CHD4: variants seen among roughly 807,000 people sequenced by gnomAD.
CHD4 encodes chromodomain helicase DNA binding protein 4.
Under a neutral mutation model 235.5 loss-of-function variants are expected in CHD4, and 35 were observed. That is an observed-to-expected ratio of 0.15 (90% CI 0.11 to 0.20). CHD4 has a LOEUF of 0.20. Ranked by LOEUF, CHD4 falls within the 10% of genes least tolerant of loss-of-function variation. CHD4 has a pLI of 1.00. For synonymous variants in CHD4, 900 were observed against 850.2 expected, an observed-to-expected ratio of 1.06 and a Z score of -1.02; for missense variants, 1,329 against 2,432.3, an observed-to-expected ratio of 0.55 and a Z score of 9.54.
intron 34 of CHD4, 71 bp from the exon 35 acceptor site, chr12:6,578,617 T>G: frequency 6.3e-7 from 1 of 1,599,668 alleles, no homozygotes; most frequent in Non-Finnish European, 8.5e-7. Context: ...CCCAGAACAC[T>G]GTATGCTACA....
chr12:6,577,432 A>C (rs1185542758), intron 37 of CHD4, among the ~76,000 whole-genome samples: 13 of 151,784 alleles, frequency 8.6e-5, no homozygotes, highest in African/African-American at 3.1e-4. Flanking sequence ...AAAAAAAAAA[A>C]AAAAAAACAA....
rs768431642 is a variant in CHD4 at position 6,600,676 on chromosome 12, G to A, written c.928-7C>T. On this transcript the variant is annotated splice_region_variant and splice_polypyrimidine_tract_variant and intron_variant, in intron 7 of 39. Coordinates refer to ENST00000544040, the MANE Select transcript of CHD4 (RefSeq NM_001273.5). ...CTAAGTCATCATCCTCACTCTGGCAGGATGAAAAAGAATAAGGTTAGACGT... is the reference window on the plus strand; with the variant it reads ...CTAAGTCATCATCCTCACTCTGGCAAGATGAAAAAGAATAAGGTTAGACGT... The A allele has an allele frequency of 6.2e-7, 1 of 1,613,766 alleles. No individual in the cohort carries two copies. The highest frequency in any genetic ancestry group is 8.5e-7 in the Non-Finnish European group (1 of 1,179,908).
At position 6,589,479 on chromosome 12, in the gene CHD4, ACAT is replaced by A. The variant is rs368535172; in HGVS notation, c.3341-1060_3341-1058del. On this transcript the variant is annotated intron_variant, in intron 22 of 39. Transcript: ENST00000544040. Reference sequence around the variant, plus strand: ...CCCAGTATGATGAACTGAAAAGGACACATCATCGACTGGGCGTGGTGGCTCACG... The same window carrying A: ...CCCAGTATGATGAACTGAAAAGGACACATCGACTGGGCGTGGTGGCTCACG... Among the ~76,000 whole-genome samples the A allele has an allele frequency of 3.1e-4, 47 of 152,338 alleles. 1 individual carries two copies. The highest frequency in any genetic ancestry group is 1.1e-3 in the African/African-American group (44 of 41,580).
At chr12:6,605,665 TC>T (rs1202379648) in intron 2 of CHD4, among the ~76,000 whole-genome samples, 19 of 151,926 alleles carry the variant, frequency 1.3e-4, no homozygotes, top group Non-Finnish European at 2.8e-4. Context: ...TATTACATCC[TC>T]CCCGAGCCCC....
intron 12 of CHD4, among the ~76,000 whole-genome samples, chr12:6,596,775 G>A (rs1948505246): frequency 6.6e-6 from 1 of 151,776 alleles, no homozygotes; most frequent in Non-Finnish European, 1.5e-5. Flanking sequence ...ACTCCAGCCT[G>A]GGCGACAGAA....
rs1251377122 is a variant in CHD4, at chr12:6,606,412, C to A, written c.-39G>T. The A allele has an allele frequency of 2.0e-6, 3 of 1,474,568 alleles. No individual in the cohort carries two copies. The highest frequency in any genetic ancestry group is 2.8e-6 in the Non-Finnish European group (3 of 1,085,464). 91.3% of individuals were successfully genotyped at this position (1,474,568 alleles called of 1,614,324 possible). A position where few individuals can be genotyped will look rare whatever the true frequency, so the allele number is the denominator to read the frequency against. Reference sequence around the variant, plus strand: ...CGGCCAGGGAATTGGCCCAGCTGCTCCTGCCGGCGGCCTGAGGACCTCTAC... The same window carrying A: ...CGGCCAGGGAATTGGCCCAGCTGCTACTGCCGGCGGCCTGAGGACCTCTAC... On this transcript the variant is annotated 5_prime_UTR_variant, in exon 2 of 40. Coordinates refer to ENST00000544040, the MANE Select transcript of CHD4 (RefSeq NM_001273.5).
At position 6,587,699 on chromosome 12, in the gene CHD4, C is replaced by CT; in HGVS notation, c.3703+12dup. On this transcript the variant is annotated intron_variant, in intron 24 of 39. Transcript: ENST00000544040. ...AAGCCCCACACCAAAACGTAAGTTC[C>CT]TGACTACCTCACCTCCATCAGTGGC... The CT allele has an allele frequency of 6.2e-7, 1 of 1,613,292 alleles. No homozygotes were observed. Among genetic ancestry groups the CT allele is most frequent in the Non-Finnish European group, 8.5e-7 (1 of 1,179,238 alleles).
rs781538095 is a variant in CHD4 at position 6,593,111 on chromosome 12, G to A, written c.2632C>T (p.Leu878=). The change falls in exon 17 of 40, where the codon CTG becomes TTG. Residue 878 remains leucine (L), a synonymous_variant. Coordinates refer to ENST00000544040, the MANE Select transcript of CHD4 (RefSeq NM_001273.5). This position sits in a 1 kb window ranked among gnomAD's most constrained non-coding sequence, Gnocchi z 4.9. ...ACLIVDEAHR[L]KNNQSKFFRV... Reference sequence around the variant, plus strand: ...CTCACCTTAGACTGATTGTTCTTCAGCCGATGGGCTTCATCCACGATGAGG... The same window carrying A: ...CTCACCTTAGACTGATTGTTCTTCAACCGATGGGCTTCATCCACGATGAGG... 6 of 1,614,006 alleles carry A rather than the reference G, an allele frequency of 3.7e-6. No individual in the cohort carries two copies. In the African/African-American group the frequency reaches 8.0e-5, roughly 22 times the overall value.
intron 38 of CHD4, chr12:6,572,830 G>C (rs916477481): frequency 2.9e-6 from 1 of 348,576 alleles, no homozygotes; most frequent in Non-Finnish European, 5.2e-6. Context: ...AAAGTGCTGG[G>C]ATTAGAGGCG....
In CHD4 at chr12:6,581,004, A is replaced by AAAAC. The variant is rs150135724; in HGVS notation, c.4909+36_4909+39dup. On this transcript the variant is annotated intron_variant, in intron 33 of 39. Transcript: ENST00000544040. ...CCTGGCGGCAGCACTACACTGTCTC[A>AAAAC]AAACAAACAAACAAACAAAAAAAAT... The AAAAC allele has an allele frequency of 8.8e-4, 1,409 of 1,607,176 alleles. 11 individuals are homozygous for AAAAC. In the African/African-American group the frequency reaches 0.014, roughly 16 times the overall value.
At chr12:6,577,741 TC>T in intron 37 of CHD4, 43 bp downstream of exon 37, 1 of 1,610,840 alleles carries the variant, frequency 6.2e-7, no homozygotes, top group Non-Finnish European at 8.5e-7. Context: ...TTACGCACTT[TC>T]AAGTTTGTCA....
rs1158742643 is a variant in CHD4 at position 6,578,153 on chromosome 12, G to A, written c.5120-16C>T. ...GAGTGCAACTCTGAGGAGGAATTTAGGGAAGGTTGGGGGTGGGGGGAAGCA... is the reference window on the plus strand; with the variant it reads ...GAGTGCAACTCTGAGGAGGAATTTAAGGAAGGTTGGGGGTGGGGGGAAGCA... On this transcript the variant is annotated splice_polypyrimidine_tract_variant and intron_variant, in intron 35 of 39. Transcript: ENST00000544040. 2 of 1,602,536 alleles carry A rather than the reference G, an allele frequency of 1.2e-6. No individual in the cohort carries two copies. Among genetic ancestry groups the A allele is most frequent in the African/African-American group, 2.7e-5 (2 of 74,744 alleles).
intron 19 of CHD4, 54 bp downstream of exon 19, chr12:6,592,339 T>C: frequency 1.3e-6 from 2 of 1,528,480 alleles, no homozygotes; most frequent in South Asian, 1.3e-5. Flanking sequence ...TAGGAAACAC[T>C]CTGCAGACTG....
In CHD4 at chr12:6,577,937, GA is replaced by G. The variant is rs747314906; in HGVS notation, c.5229-21del. On this transcript the variant is annotated intron_variant, in intron 36 of 39. Transcript: ENST00000544040. ...CCATGGCTATTGGAAAAGTGCTCAG[GA>G]AAAACAAAACAAGGAAAGTAAGAAC... is the stretch of plus-strand genomic sequence containing the variant. 3.1e-6 allele frequency: 5 copies of G among 1,613,428 alleles called. No individual in the cohort carries two copies. The highest frequency in any genetic ancestry group is 1.6e-4 in the Middle Eastern group (1 of 6,062).
At chr12:6,601,930 G>C in intron 4 of CHD4, 30 bp downstream of exon 4, 1 of 1,605,018 alleles carries the variant, frequency 6.2e-7, no homozygotes, top group Non-Finnish European at 8.5e-7. Context: ...AAGTTTAACA[G>C]TACAAAGAAG....
intron 25 of CHD4, among the ~76,000 whole-genome samples, chr12:6,586,038 T>G (rs1490646215): frequency 6.6e-6 from 1 of 151,474 alleles, no homozygotes; most frequent in Admixed American, 6.6e-5. Context: ...AAGTGGAGGT[T>G]GCAGTAGGCT....
intron 37 of CHD4, 109 bp from the exon 38 acceptor site, chr12:6,573,378 A>G: frequency 3.3e-6 from 3 of 899,534 alleles, no homozygotes; most frequent in Non-Finnish European, 4.7e-6. Flanking sequence ...ATAAGAACCT[A>G]TGAAGAACTT....
intron 1 of CHD4, chr12:6,606,673 TG>T (rs1948706599): frequency 3.5e-6 from 1 of 284,566 alleles, no homozygotes; most frequent in African/African-American, 2.2e-5. Context: ...GAGGGCAGGC[TG>T]GTGCAAGCGC....
chr12:6,590,216 GTATCA>G (rs1948369784), intron 22 of CHD4: 1 of 151,924 alleles, frequency 6.6e-6, no homozygotes, highest in Non-Finnish European at 1.5e-5. Flanking sequence ...AAAAAAATCT[GTATCA>G]TATAAGAAAA....
Sources: allele counts gnomAD v4.1 joint callset (sites outside exome capture counted in the v4.1 genomes callset), GRCh38; gene constraint gnomAD v4.1.1; non-coding constraint Gnocchi (gnomAD v3.1); transcripts MANE v1.5; gene names NCBI Gene and HGNC (gene_info 2026-07-23, HGNC 2026-07-21).